CELF2: variants seen among roughly 807,000 people sequenced by gnomAD.
CELF2 encodes CUGBP Elav-like family member 2.
Under a neutral mutation model 62.6 loss-of-function variants are expected in CELF2, and 8 were observed. The ratio of observed to expected loss-of-function variants is 0.13; its 90% CI spans 0.07 to 0.23. CELF2 has a LOEUF of 0.23. Ranked by LOEUF, CELF2 falls within the 10% of genes least tolerant of loss-of-function variation. The probability of loss-of-function intolerance (pLI) is 1.00; values close to 1 mark genes in which losing one functional copy is unlikely to be tolerated. For missense variants in CELF2, 333 were observed against 671.0 expected (o/e 0.50, Z 5.56); for synonymous variants, 258 against 250.0 (o/e 1.03, Z -0.30).
intron 1 of CELF2, among the ~76,000 whole-genome samples, chr10:11,108,606 C>T (rs574285375): frequency 1.2e-4 from 19 of 152,126 alleles, no homozygotes; most frequent in Non-Finnish European, 8.8e-5. Context: ...GGCTGCAGGG[C>T]GCAAGCACAC....
chr10:10,693,460 T>C, the CELF2 span, among the ~76,000 whole-genome samples: 20 of 151,100 alleles, frequency 1.3e-4, no homozygotes, highest in African/African-American at 4.2e-4. Context: ...AGGATATTGG[T>C]CTAAAATTCT....
chr10:11,257,153 A>G (rs1443332637), intron 4 of CELF2, among the ~76,000 whole-genome samples: 3 of 152,048 alleles, frequency 2.0e-5, no homozygotes, highest in African/African-American at 7.3e-5. Flanking sequence ...AGACGTAAGA[A>G]TCTCTCTGAT....
At chr10:11,184,654 C>T (rs1565154124) in intron 2 of CELF2, among the ~76,000 whole-genome samples, 4 of 152,152 alleles carry the variant, frequency 2.6e-5, no homozygotes, top group South Asian at 2.1e-4. Flanking sequence ...TTATATTTTC[C>T]GTGGTCTTCT....
At chr10:10,612,704 T>G in the CELF2 span, among the ~76,000 whole-genome samples, 2 of 152,170 alleles carry the variant, frequency 1.3e-5, no homozygotes, top group Non-Finnish European at 2.9e-5. Flanking sequence ...GTGATACCCT[T>G]TGCTGTATTC....
chr10:10,496,149 C>T, the CELF2 span, among the ~76,000 whole-genome samples: 19 of 152,252 alleles, frequency 1.2e-4, no homozygotes, highest in Middle Eastern at 3.4e-3. Context: ...TGCCTAAAGC[C>T]GTGCAGGTCT....
chr10:10,494,438 A>G, the CELF2 span, among the ~76,000 whole-genome samples: 2 of 152,246 alleles, frequency 1.3e-5, no homozygotes, highest in Non-Finnish European at 2.9e-5. Context: ...GAAATAGCAG[A>G]GCGCATTACA....
In CELF2 at chr10:10,891,228, A is replaced by G. The variant is rs557799282; in HGVS notation, c.54-28736A>G. ...TACATTAATGTAAGCAACTGGGAAT[A>G]TACTGCTGTTCACTCTCTCTCATAT... On this transcript the variant is annotated intron_variant, in intron 1 of 13. Transcript: ENST00000636488. Among the ~76,000 whole-genome samples, 3 of 152,270 alleles carry G rather than the reference A, an allele frequency of 2.0e-5. No individual in the cohort carries two copies. In the East Asian group the frequency reaches 5.8e-4, roughly 29 times the overall value.
At chr10:11,257,134 G>C (rs1253616181) in intron 4 of CELF2, among the ~76,000 whole-genome samples, 1 of 152,024 alleles carries the variant, frequency 6.6e-6, no homozygotes, top group East Asian at 1.9e-4. Context: ...TACTTTCCTA[G>C]CTCCCCAGAG....
At position 11,197,015 on chromosome 10, in the gene CELF2, A is replaced by AGC. The variant is rs1565229804; in HGVS notation, c.272-20409_272-20408insCG. On this transcript the variant is annotated intron_variant, in intron 2 of 12. Transcript: ENST00000633077. ...AAAGGAAGGAAGGAGAAAGAAAGAA[A>AGC]GAAAGAAAGAAAAGAAAGAAAGAAA... 9.6e-4 allele frequency among the ~76,000 whole-genome samples: 12 copies of AGC among 12,504 alleles called. 2 individuals carry two copies. Among genetic ancestry groups the AGC allele is most frequent in the African/African-American group, 6.0e-3 (12 of 1,986 alleles). The allele number at this position is 12,504 out of a possible 152,430, so 8.2% of individuals were successfully genotyped here.
intron 1 of CELF2, among the ~76,000 whole-genome samples, chr10:11,048,285 T>A (rs567324079): frequency 4.6e-5 from 7 of 152,180 alleles, no homozygotes; most frequent in African/African-American, 1.7e-4. Context: ...AAAGTTGACC[T>A]TTTTTTCCCC....
At chr10:10,853,742 A>G (rs11256872) in intron 1 of CELF2, among the ~76,000 whole-genome samples, 17,738 of 152,118 alleles carry the variant, frequency 0.12, 1,284 homozygotes, top group East Asian at 0.21. Context: ...TCTCCTCGGC[A>G]TGAGGCAGAT....
chr10:10,533,449 T>G, the CELF2 span, among the ~76,000 whole-genome samples: 1 of 152,230 alleles, frequency 6.6e-6, no homozygotes, highest in Non-Finnish European at 1.5e-5. Context: ...TAAATACCTA[T>G]TATGGGTCAT....
the CELF2 span, among the ~76,000 whole-genome samples, chr10:10,633,646 A>G: frequency 6.6e-6 from 1 of 152,074 alleles, no homozygotes; most frequent in Non-Finnish European, 1.5e-5. Context: ...TATCTTTTAA[A>G]TCTTCTGAGC....
At chr10:10,883,660 T>C (rs1242080007) in intron 1 of CELF2, among the ~76,000 whole-genome samples, 1 of 152,192 alleles carries the variant, frequency 6.6e-6, no homozygotes, top group Non-Finnish European at 1.5e-5. Flanking sequence ...TGGACTCATC[T>C]GCTGTACTGA....
chr10:10,745,113 TAAA>T, the CELF2 span, among the ~76,000 whole-genome samples: 7 of 128,240 alleles, frequency 5.5e-5, no homozygotes, highest in Admixed American at 7.8e-5. Context: ...CCATGCCACG[TAAA>T]AAAAAAAAAA....
At chr10:10,889,115 C>G (rs908354657) in intron 1 of CELF2, among the ~76,000 whole-genome samples, 1 of 152,174 alleles carries the variant, frequency 6.6e-6, no homozygotes, top group Non-Finnish European at 1.5e-5. Context: ...ATGAAGAAAG[C>G]AGAAAGAGGT....
At chr10:11,195,700 A>G (rs779479403) in intron 2 of CELF2, among the ~76,000 whole-genome samples, 2 of 152,190 alleles carry the variant, frequency 1.3e-5, no homozygotes, top group Non-Finnish European at 2.9e-5. Context: ...AGAAGGGAAA[A>G]GGAGAGTTGC....
chr10:11,135,562 C>G (rs2060300886), intron 1 of CELF2, among the ~76,000 whole-genome samples: 1 of 152,220 alleles, frequency 6.6e-6, no homozygotes, highest in Non-Finnish European at 1.5e-5. Flanking sequence ...AAGACCCTTG[C>G]CTTTCTGTGA....
intron 5 of CELF2, among the ~76,000 whole-genome samples, chr10:11,262,664 A>C (rs2081017071): frequency 6.6e-6 from 1 of 152,220 alleles, no homozygotes; most frequent in South Asian, 2.1e-4. Flanking sequence ...GGGATGGCCC[A>C]TCAGAGTATT....
Sources: gnomAD v4.1 joint callset for allele counts (sites outside exome capture counted in the v4.1 genomes callset) on GRCh38, gnomAD v4.1.1 for gene constraint, MANE v1.5 for transcripts, NCBI Gene and HGNC (gene_info 2026-07-23, HGNC 2026-07-21) for gene names.